Variants in SPICE1 observed in about 807,000 individuals in gnomAD.
The protein encoded by SPICE1 is spindle and centriole-associated protein 1.
In SPICE1, 75 loss-of-function variants were observed where a neutral mutation model predicts 102.7. The ratio of observed to expected loss-of-function variants is 0.73; its 90% CI spans 0.61 to 0.88. SPICE1 has a LOEUF of 0.88. Ranked by LOEUF, SPICE1 falls within the 40% of genes least tolerant of loss-of-function variation. The pLI is 0.00. For synonymous variants in SPICE1, 308 were observed against 350.3 expected (o/e 0.88, Z 1.35); for missense variants, 979 against 1,020.1 (o/e 0.96, Z 0.55).
intron 13 of SPICE1, among the ~76,000 whole-genome samples, chr3:113,456,267 C>T (rs1056468327): frequency 6.6e-5 from 10 of 151,272 alleles, no homozygotes; most frequent in Non-Finnish European, 1.3e-4. Context: ...TTTGTATGTC[C>T]CAATAATAAT....
intron 2 of SPICE1, 40 bp from the exon 3 acceptor site, chr3:113,503,267 G>A (rs760942437): frequency 9.3e-6 from 12 of 1,289,160 alleles, no homozygotes; most frequent in Non-Finnish European, 9.6e-6. Context: ...AAAAAAAAAA[G>A]TTTTCTTATA....
At chr3:113,468,938 C>A (rs751820136) in intron 8 of SPICE1, 39 bp from the exon 9 acceptor site, 15 of 1,588,320 alleles carry the variant, frequency 9.4e-6, no homozygotes, top group Middle Eastern at 1.7e-4. Context: ...CTCAAGTGAA[C>A]AAACTTCTTA....
chr3:113,450,974 A>G (rs1935639226), intron 14 of SPICE1, among the ~76,000 whole-genome samples: 1 of 152,230 alleles, frequency 6.6e-6, no homozygotes, highest in Non-Finnish European at 1.5e-5. Flanking sequence ...ATCTCTTAGT[A>G]TCTGCAGAGC....
Position 113,453,726 on chromosome 3 carries a change from G to A in SPICE1, c.1882C>T (p.Leu628Phe). The change falls in exon 14 of 18, where the codon CTC becomes TTC. Residue 628 changes from leucine (L) to phenylalanine (F), a missense_variant. Physicochemically the swap from Leu to Phe is conservative, Grantham distance 22. Transcript: ENST00000295872. The stretch of plus-strand genomic sequence containing the variant: ...TGAGTGTTGGAATGGGAATTGCAGA[G>A]GGGCTGTGAGAGGTTAACAAAAGGA... ...QAPFVNLSQP[L>F]CNSHSNTQQS... 1 of 1,614,170 alleles carries A rather than the reference G, an allele frequency of 6.2e-7. No individual in the cohort carries two copies.
rs556737859 is a variant in SPICE1 at position 113,502,953 on chromosome 3, CTA to C, written c.147+225_147+226del. ...CAGTACTAGACTGAAGAGATTTCAACTATAAACCCAACATATTTAATGAAACT... is the reference window on the plus strand; with the variant it reads ...CAGTACTAGACTGAAGAGATTTCAACTAAACCCAACATATTTAATGAAACT... On this transcript the variant is annotated intron_variant, in intron 3 of 17. Coordinates refer to ENST00000295872, the MANE Select transcript of SPICE1 (RefSeq NM_144718.4). Among the ~76,000 whole-genome samples, 4 of 152,238 alleles carry C rather than the reference CTA, an allele frequency of 2.6e-5. No individual in the cohort carries two copies. In the East Asian group the frequency reaches 7.7e-4, roughly 29 times the overall value.
At chr3:113,476,632 A>T (rs1431653315) in intron 7 of SPICE1, among the ~76,000 whole-genome samples, 1 of 149,482 alleles carries the variant, frequency 6.7e-6, no homozygotes, top group Non-Finnish European at 1.5e-5. Flanking sequence ...ATAACGCCGC[A>T]TATCTACAAC....
rs141564831 is a variant in SPICE1, at chr3:113,471,513, G to A, written c.612-2275C>T. On this transcript the variant is annotated intron_variant, in intron 7 of 17. Coordinates refer to ENST00000295872, the MANE Select transcript of SPICE1 (RefSeq NM_144718.4). Reference sequence around the variant, plus strand: ...AGTGTGGCCCTACTGATACCTTGACGTTGGCCTAGTGAAACTGATTTTGGA... The same window carrying A: ...AGTGTGGCCCTACTGATACCTTGACATTGGCCTAGTGAAACTGATTTTGGA... Among the ~76,000 whole-genome samples the A allele has an allele frequency of 2.2e-3, 340 of 152,216 alleles. 1 individual carries two copies. Among genetic ancestry groups the A allele is most frequent in the Non-Finnish European group, 4.1e-3 (278 of 68,016 alleles).
rs1011880277 is a variant in SPICE1 at position 113,459,356 on chromosome 3, T to A, written c.1435+1261A>T. On this transcript the variant is annotated intron_variant, in intron 12 of 17. Transcript: ENST00000295872. ...GTTTATCTGCTGACCTTCCCTCCAC[T>A]ATTGTCCTACGACCCTGCCAAATCC... 14 of 578,126 alleles carry A rather than the reference T, an allele frequency of 2.4e-5. No individual in the cohort carries two copies. The African/African-American group carries it at 2.7e-4, about 11-fold the overall frequency. 35.8% of individuals were successfully genotyped at this position (578,126 alleles called of 1,614,324 possible). A position where few individuals can be genotyped will look rare whatever the true frequency, so the allele number is the denominator to read the frequency against.
In SPICE1 at chr3:113,512,466, T is replaced by A. The variant is rs889497847; in HGVS notation, c.-1+2431A>T. 2.8e-5 allele frequency among the ~76,000 whole-genome samples: 4 copies of A among 145,292 alleles called. No individual in the cohort carries two copies. The Admixed American group carries it at 2.9e-4, about 11-fold the overall frequency. On this transcript the variant is annotated intron_variant, in intron 1 of 17. Coordinates refer to ENST00000295872, the MANE Select transcript of SPICE1 (RefSeq NM_144718.4). ...GCTCTGTTACCAGGCTGGAGTGCAGTGGCACGACCTCAGCTCACTGCAACC... is the reference window on the plus strand; with the variant it reads ...GCTCTGTTACCAGGCTGGAGTGCAGAGGCACGACCTCAGCTCACTGCAACC...
intron 7 of SPICE1, among the ~76,000 whole-genome samples, chr3:113,481,267 G>T (rs1401551285): frequency 6.6e-6 from 1 of 151,946 alleles, no homozygotes; most frequent in Non-Finnish European, 1.5e-5. Context: ...CTAGTTAGGA[G>T]GTATAATGGA....
rs143494417 is a variant in SPICE1, at chr3:113,506,470, G to A, written c.99+37C>T. On this transcript the variant is annotated intron_variant, in intron 2 of 17. Transcript: ENST00000295872. ...ATATCACTGTGTCCATTTCTCCAGAGTAATGTTACATTATTTACTATCCCA... is the reference window on the plus strand; with the variant it reads ...ATATCACTGTGTCCATTTCTCCAGAATAATGTTACATTATTTACTATCCCA... 90 of 1,507,046 alleles carry A rather than the reference G, an allele frequency of 6.0e-5. No homozygotes were observed. The Middle Eastern group carries it at 1.5e-3, about 26-fold the overall frequency. The allele number at this position is 1,507,046 out of a possible 1,614,324, so 93.4% of individuals were successfully genotyped here. A position where few individuals can be genotyped will look rare whatever the true frequency, so the allele number is the denominator to read the frequency against.
At chr3:113,468,019 T>C in intron 10 of SPICE1, 120 bp downstream of exon 10, 1 of 1,339,398 alleles carries the variant, frequency 7.5e-7, no homozygotes, top group Non-Finnish European at 1.0e-6. Flanking sequence ...AACTGAGGTA[T>C]TTTAAACGAA....
Position 113,460,162 on chromosome 3 carries a change from C to T in SPICE1, c.1435+455G>A, listed in dbSNP as rs1004988661. 9 of 985,326 alleles carry T rather than the reference C, an allele frequency of 9.1e-6. No individual in the cohort carries two copies. The Admixed American group carries it at 4.3e-4, about 47-fold the overall frequency. The allele number at this position is 985,326 out of a possible 1,614,324, so 61.0% of individuals were successfully genotyped here. On this transcript the variant is annotated intron_variant, in intron 12 of 17. Transcript: ENST00000295872. ...ATTTCAAAATAACAACACTATCACA[C>T]ATGAACAAAAGTTATGAATTTCTAA...
chr3:113,488,151 T>G (rs1253843703), intron 7 of SPICE1, among the ~76,000 whole-genome samples: 2 of 152,188 alleles, frequency 1.3e-5, no homozygotes, highest in Non-Finnish European at 2.9e-5. Flanking sequence ...GGTCTATGGA[T>G]TAGATAATAG....
rs2107500916 is a variant in SPICE1, at chr3:113,499,475, T to C, written c.255A>G (p.Leu85=). ...RKWRKQKPET[L]NLEKRRLSIM... ...TAGACAATCTTCTTTTCTCAAGATT[T>C]AAAGTTTCTGGTTTCTGCTTCCTCC... The change falls in exon 4 of 18, where the codon TTA becomes TTG. Residue 85 remains leucine, a synonymous_variant. Coordinates refer to ENST00000295872, the MANE Select transcript of SPICE1 (RefSeq NM_144718.4). 6.2e-7 allele frequency: 1 copy of C among 1,613,346 alleles called. No homozygotes were observed. Among genetic ancestry groups the C allele is most frequent in the East Asian group, 2.2e-5 (1 of 44,808 alleles).
intron 7 of SPICE1, among the ~76,000 whole-genome samples, chr3:113,486,076 A>T (rs560330647): frequency 3.2e-4 from 48 of 152,024 alleles, no homozygotes; most frequent in African/African-American, 1.2e-3. Flanking sequence ...GCGACACTGC[A>T]CTCCAGCCTG....
chr3:113,474,600 A>C (rs1315257998), intron 7 of SPICE1, among the ~76,000 whole-genome samples: 1 of 152,250 alleles, frequency 6.6e-6, no homozygotes, highest in Non-Finnish European at 1.5e-5. Context: ...CTCAGACCAC[A>C]GTGCAATCAA....
At chr3:113,474,216 C>A (rs889207350) in intron 7 of SPICE1, among the ~76,000 whole-genome samples, 19 of 151,844 alleles carry the variant, frequency 1.3e-4, no homozygotes, top group African/African-American at 4.1e-4. Context: ...GTAAAGGGAT[C>A]AATTCAACAA....
At position 113,465,804 on chromosome 3, in the gene SPICE1, A is replaced by C; in HGVS notation, c.1156-20T>G. On this transcript the variant is annotated intron_variant, in intron 10 of 17. Transcript: ENST00000295872. ...CTCACTCTACAAAAAAATATCAAAT[A>C]AACTTCCACCAATAGCATCACATGT... 6.2e-7 allele frequency: 1 copy of C among 1,605,830 alleles called. No homozygotes were observed. The highest frequency in any genetic ancestry group is 1.3e-5 in the African/African-American group (1 of 74,798).
Sources: gnomAD v4.1 joint callset for allele counts (sites outside exome capture counted in the v4.1 genomes callset) on GRCh38, gnomAD v4.1.1 for gene constraint, MANE v1.5 for transcripts, NCBI Gene and HGNC (gene_info 2026-07-23, HGNC 2026-07-21) for gene names.